NUP155: variants seen among roughly 807,000 people sequenced by gnomAD.
The protein encoded by NUP155 is nuclear pore complex protein Nup155.
A neutral mutation model predicts 180.4 loss-of-function variants in NUP155; 71 were observed. That is an observed-to-expected ratio of 0.39 (90% CI 0.33 to 0.48). The LOEUF (loss-of-function observed/expected upper bound fraction) is 0.48, where lower values mean the gene tolerates loss of function less well. Among genes scored for constraint, NUP155 ranks in the 20% least tolerant of loss-of-function variants. The pLI is 0.91. For synonymous variants in NUP155, 582 were observed against 559.5 expected (o/e 1.04, Z -0.57); for missense variants, 1,553 against 1,648.9 (o/e 0.94, Z 1.01).
chr5:37,360,392 G>C (rs1747122099), intron 3 of NUP155, among the ~76,000 whole-genome samples: 1 of 151,932 alleles, frequency 6.6e-6, no homozygotes, highest in Non-Finnish European at 1.5e-5. Flanking sequence ...GGCTGAGGCA[G>C]GGGAATTACT....
At chr5:37,297,626 C>G (rs146120593) in intron 32 of NUP155, among the ~76,000 whole-genome samples, 9,083 of 151,988 alleles carry the variant, frequency 0.06, 338 homozygotes, top group South Asian at 0.13. Context: ...GCGATCCATC[C>G]GCCTCGGCCT....
At chr5:37,344,796 C>T (rs1021202310) in intron 9 of NUP155, among the ~76,000 whole-genome samples, 6 of 149,634 alleles carry the variant, frequency 4.0e-5, no homozygotes, top group Non-Finnish European at 4.4e-5. Context: ...TGCTTGAACC[C>T]GGGAGGTGGA....
chr5:37,350,205 A>T lies in NUP155; in HGVS notation c.784T>A (p.Ser262Thr). The change falls in exon 7 of 35, where the codon TCT becomes ACT. Residue 262 changes from serine (S) to threonine (T), a missense_variant. Coordinates refer to ENST00000231498, the MANE Select transcript of NUP155 (RefSeq NM_153485.3). The stretch of plus-strand genomic sequence containing the variant: ...TGTAGCAAGGAAGGAACAAGGAAAG[A>T]AAGTGAGCTCTTTGAGTGGTTTATT... ...RKINHSKSSL[S>T]FLVPSLLQFT... 1 of 1,613,996 alleles carries T rather than the reference A, an allele frequency of 6.2e-7. No individual in the cohort carries two copies. Among genetic ancestry groups the T allele is most frequent in the South Asian group, 1.1e-5 (1 of 91,084 alleles).
Position 37,334,869 on chromosome 5 carries a change from T to A in NUP155, c.1348-1236A>T, listed in dbSNP as rs78570966. Among the ~76,000 whole-genome samples, 191 of 152,254 alleles carry A rather than the reference T, an allele frequency of 1.3e-3. 1 individual carries two copies. Among genetic ancestry groups the A allele is most frequent in the African/African-American group, 4.5e-3 (186 of 41,562 alleles). The stretch of plus-strand genomic sequence containing the variant: ...AAGATACTATCTTTCCTTTAAAAAG[T>A]ATTTTACTGGCTCGGCGAGGTGGCT... On this transcript the variant is annotated intron_variant, in intron 12 of 34. Transcript: ENST00000231498.
intron 1 of NUP155, among the ~76,000 whole-genome samples, chr5:37,366,069 T>C (rs543440288): frequency 1.3e-5 from 2 of 152,114 alleles, no homozygotes; most frequent in South Asian, 4.2e-4. Context: ...AAGCAGTATC[T>C]TATTGGGGGG....
intron 4 of NUP155, among the ~76,000 whole-genome samples, chr5:37,353,238 T>G (rs1161608241): frequency 6.6e-6 from 1 of 151,582 alleles, no homozygotes; most frequent in Non-Finnish European, 1.5e-5. Flanking sequence ...GATAGATGCA[T>G]TAAAAAAAAT....
In NUP155 at chr5:37,341,074, G is replaced by C; in HGVS notation, c.1246+16C>G. On this transcript the variant is annotated intron_variant, in intron 11 of 34. Transcript: ENST00000231498. ...TAAGAATATAATCTTAAATCTGATAGTATTTCAGAACTTACCTTTACTATA... is the reference window on the plus strand; with the variant it reads ...TAAGAATATAATCTTAAATCTGATACTATTTCAGAACTTACCTTTACTATA... 3.8e-6 allele frequency: 6 copies of C among 1,572,926 alleles called. No homozygotes were observed. Among genetic ancestry groups the C allele is most frequent in the Non-Finnish European group, 5.2e-6 (6 of 1,142,988 alleles).
At chr5:37,346,585 T>C (rs1746101321) in intron 9 of NUP155, among the ~76,000 whole-genome samples, 1 of 151,408 alleles carries the variant, frequency 6.6e-6, no homozygotes, top group African/African-American at 2.4e-5. Context: ...GGCAGGAGAA[T>C]CGCTTGAACC....
chr5:37,329,436 A>G (rs1416820592), intron 15 of NUP155, among the ~76,000 whole-genome samples, 158 bp from the exon 16 acceptor site: 1 of 152,242 alleles, frequency 6.6e-6, no homozygotes, highest in Non-Finnish European at 1.5e-5. Flanking sequence ...CATAAGACTT[A>G]TAATAAATAT....
rs780373258 is a variant in NUP155, at chr5:37,318,045, G to A, written c.2248C>T (p.Arg750Cys). 2.5e-6 allele frequency: 4 copies of A among 1,612,338 alleles called. No individual in the cohort carries two copies. Among genetic ancestry groups the A allele is most frequent in the Non-Finnish European group, 2.5e-6 (3 of 1,178,384 alleles). The change falls in exon 21 of 35, where the codon CGT becomes TGT. Residue 750 changes from arginine (R) to cysteine (C), a missense_variant. Physicochemically the swap from Arg to Cys is radical, Grantham distance 180. Coordinates refer to ENST00000231498, the MANE Select transcript of NUP155 (RefSeq NM_153485.3). The stretch of plus-strand genomic sequence containing the variant: ...TGCTGGGGATTTCCGTTTTCAGGAC[G>A]CATGAATCCTATCAGCCTCTGCTGC... The part of the protein sequence containing the change: ...KVQQRLIGFM[R>C]PENGNPQQMQ...
Position 37,291,161 on chromosome 5 carries a change from T to C in NUP155, c.*739A>G, listed in dbSNP as rs28406247. The C allele has an allele frequency of 6.6e-6, 1 of 152,198 alleles. No individual in the cohort carries two copies. Among genetic ancestry groups the C allele is most frequent in the Non-Finnish European group, 1.5e-5 (1 of 68,040 alleles). 9.4% of individuals were successfully genotyped at this position (152,198 alleles called of 1,614,324 possible). The stretch of plus-strand genomic sequence containing the variant: ...GGGTGAACCCAACACCTAAAAAAAG[T>C]TTTGAAAAAGTCAGTTATTTGCCTA... On this transcript the variant is annotated 3_prime_UTR_variant, in exon 35 of 35. Transcript: ENST00000231498.
At chr5:37,335,905 C>T (rs1424871885) in intron 12 of NUP155, among the ~76,000 whole-genome samples, 1 of 152,004 alleles carries the variant, frequency 6.6e-6, no homozygotes, top group African/African-American at 2.4e-5. Context: ...GAGGCAGTTG[C>T]AGTGAGCTCT....
chr5:37,314,140 TC>T (rs879502054), intron 22 of NUP155, 57 bp downstream of exon 22: 3 of 1,273,268 alleles, frequency 2.4e-6, no homozygotes, highest in African/African-American at 3.0e-5. Context: ...AAAATACTCA[TC>T]CAAAAAATCC....
Position 37,309,191 on chromosome 5 carries a change from T to G in NUP155, c.2705A>C (p.Lys902Thr), listed in dbSNP as rs139100942. 7.3e-5 allele frequency: 117 copies of G among 1,613,538 alleles called. No homozygotes were observed. In the African/African-American group the frequency reaches 1.1e-3, roughly 16 times the overall value. ...EKERMLRESL[K>T]EYQKISNQVD... ...TTGATTGCTAATTTTTTGATATTCC[T>G]TTAATGATTCCCTTAACATTCTTTC... The change falls in exon 24 of 35, where the codon AAG becomes ACG. Residue 902 changes from lysine (K) to threonine (T), a missense_variant. By Grantham distance (78) the Lys-to-Thr change is moderately conservative. Transcript: ENST00000231498.
intron 11 of NUP155, among the ~76,000 whole-genome samples, chr5:37,338,441 C>T (rs1333156956): frequency 1.4e-5 from 2 of 147,380 alleles, no homozygotes; most frequent in Non-Finnish European, 1.5e-5. Flanking sequence ...CGGAGTCTCG[C>T]TGTCACCCAG....
At chr5:37,294,580 A>T in intron 32 of NUP155, 115 bp from the exon 33 acceptor site, 2 of 1,041,728 alleles carry the variant, frequency 1.9e-6, no homozygotes, top group Non-Finnish European at 2.9e-6. Context: ...TCCAATTGCA[A>T]TTTTTTGGGG....
chr5:37,352,472 A>G (rs1345828136), intron 5 of NUP155, among the ~76,000 whole-genome samples: 1 of 152,230 alleles, frequency 6.6e-6, no homozygotes, highest in Non-Finnish European at 1.5e-5. Context: ...TGGGAGGCAG[A>G]GGATGCGGTA....
intron 4 of NUP155, among the ~76,000 whole-genome samples, chr5:37,357,561 CA>C (rs1746920966): frequency 6.6e-6 from 1 of 151,898 alleles, no homozygotes; most frequent in African/African-American, 2.4e-5. Context: ...AAATAAAATT[CA>C]AAAAATTACA....
At chr5:37,303,140 T>C (rs1011115554) in intron 28 of NUP155, 120 bp downstream of exon 28, 4 of 1,163,694 alleles carry the variant, frequency 3.4e-6, no homozygotes, top group Non-Finnish European at 4.9e-6. Flanking sequence ...TAACATCCTA[T>C]TTAAAAAATT....
Sources: allele counts gnomAD v4.1 joint callset (sites outside exome capture counted in the v4.1 genomes callset), GRCh38; gene constraint gnomAD v4.1.1; transcripts MANE v1.5; gene names NCBI Gene and HGNC (gene_info 2026-07-23, HGNC 2026-07-21).